The following TRIM43 variants were observed in gnomAD, a reference collection of about 807,000 sequenced individuals.
The protein encoded by TRIM43 is tripartite motif containing 43, also known as tripartite motif-containing protein 43.
TRIM43 carries 12 observed loss-of-function variants against 27.7 expected under a neutral mutation model. The ratio of observed to expected loss-of-function variants is 0.43; its 90% confidence interval spans 0.28 to 0.70. The LOEUF (loss-of-function observed/expected upper bound fraction) is 0.70. Ranked by LOEUF, TRIM43 falls within the 30% of genes least tolerant of loss-of-function variation. The probability of loss-of-function intolerance (pLI) is 0.17; values close to 1 mark genes in which losing one functional copy is unlikely to be tolerated. For synonymous variants in TRIM43, 64 were observed against 121.9 expected, an observed-to-expected ratio of 0.52 and a Z score of 3.13; for missense variants, 186 against 356.5, an observed-to-expected ratio of 0.52 and a Z score of 3.85.
intron 1 of TRIM43, among the ~76,000 whole-genome samples, chr2:95,592,919 C>T (rs1450572680): frequency 6.6e-6 from 1 of 150,800 alleles, no homozygotes; most frequent in Non-Finnish European, 1.5e-5. Context: ...AGAGGGGAGA[C>T]AGAGTCTTGC....
At chr2:95,595,687 G>A (rs1211682082) in intron 3 of TRIM43, among the ~76,000 whole-genome samples, 2 of 151,132 alleles carry the variant, frequency 1.3e-5, no homozygotes, top group East Asian at 1.9e-4. Flanking sequence ...ATGGAATGGG[G>A]ATTAATGTTC....
chr2:95,594,537 T>C, intron 2 of TRIM43, 103 bp downstream of exon 2: 22 of 1,473,048 alleles, frequency 1.5e-5, no homozygotes, highest in Non-Finnish European at 2.0e-5. Flanking sequence ...CTTTACTGAG[T>C]GCCAGGTGCT....
At chr2:95,592,906 T>G (rs1305473524) in intron 1 of TRIM43, among the ~76,000 whole-genome samples, 1 of 151,544 alleles carries the variant, frequency 6.6e-6, no homozygotes, top group Non-Finnish European at 1.5e-5. Flanking sequence ...GTTTTTTTTT[T>G]TTAGAGGGGA....
At position 95,596,205 on chromosome 2, in the gene TRIM43, A is replaced by G. The variant is rs4058025; in HGVS notation, c.511A>G (p.Asn171Asp). 5,736 of 1,604,398 alleles carry G rather than the reference A, an allele frequency of 3.6e-3. 127 individuals are homozygous for G. The highest frequency in any genetic ancestry group is 0.012 in the East Asian group (522 of 44,552). The change falls in exon 4 of 7, where the codon AAT (asparagine) becomes GAT (aspartate). Residue 171 changes from asparagine (N) to aspartate (D), a missense_variant. Transcript: ENST00000272395. ...EGRTAFLWRG[N>D]VVLRAQMIRN... ...TACAAAATTCATATCCCTACAGGGC[A>G]ATGTGGTTTTACGGGCACAGATGAT...
At position 95,596,369 on chromosome 2, in the gene TRIM43, C is replaced by CTT. The variant is rs1415395181; in HGVS notation, c.676_677dup (p.Leu226PhefsTer2). ...TCAAAATGGATCAAAAGAGTAAACA[C>CTT]TTGAAAGAAATGTATCAGGAACTAA... On this transcript the variant is annotated frameshift_variant, in exon 4 of 7. Transcript: ENST00000272395. LOFTEE classifies it high-confidence loss of function. 1 of 1,606,056 alleles carries CTT rather than the reference C, an allele frequency of 6.2e-7. No individual in the cohort carries two copies. The highest frequency in any genetic ancestry group is 1.3e-5 in the African/African-American group (1 of 74,196).
intron 1 of TRIM43, 102 bp from the exon 2 acceptor site, chr2:95,593,918 A>C: frequency 6.5e-7 from 1 of 1,533,276 alleles, no homozygotes; most frequent in South Asian, 1.3e-5. Context: ...ATACTTCTTT[A>C]GAAAGAAAGG....
chr2:95,592,396 G>T lies in TRIM43; in HGVS notation c.-5+247G>T, dbSNP rs561925474. Reference sequence around the variant, plus strand: ...TTGTTTATTTATTTATTTTGAGATGGAATCACGCTCTATTGCCAGGCTGGA... The same window carrying T: ...TTGTTTATTTATTTATTTTGAGATGTAATCACGCTCTATTGCCAGGCTGGA... On this transcript the variant is annotated intron_variant, in intron 1 of 6. Coordinates refer to ENST00000272395, the MANE Select transcript of TRIM43 (RefSeq NM_138800.3). Among the ~76,000 whole-genome samples the T allele has an allele frequency of 9.5e-4, 144 of 151,706 alleles. 3 individuals carry two copies. The highest frequency in any genetic ancestry group is 3.3e-3 in the African/African-American group (137 of 41,342).
chr2:95,594,954 G>A, intron 2 of TRIM43, 96 bp from the exon 3 acceptor site: 1 of 1,307,220 alleles, frequency 7.6e-7, no homozygotes, highest in East Asian at 2.5e-5. Context: ...TCTCACTAAT[G>A]TATTTATATA....
At chr2:95,592,949 T>C (rs1685282682) in intron 1 of TRIM43, among the ~76,000 whole-genome samples, 1 of 151,178 alleles carries the variant, frequency 6.6e-6, no homozygotes, top group Admixed American at 6.6e-5. Flanking sequence ...CAGACTGGAG[T>C]GCTGTGGCAC....
chr2:95,596,574 A>G (rs1685358476), intron 4 of TRIM43, 142 bp downstream of exon 4: 7 of 1,153,822 alleles, frequency 6.1e-6, no homozygotes, highest in Middle Eastern at 2.6e-4. Flanking sequence ...GAGATAAACT[A>G]TAACTCCTAC....
In TRIM43 at chr2:95,596,193, T is replaced by C; in HGVS notation, c.508-9T>C. 6.2e-7 allele frequency: 1 copy of C among 1,609,286 alleles called. No homozygotes were observed. The highest frequency in any genetic ancestry group is 8.5e-7 in the Non-Finnish European group (1 of 1,178,238). On this transcript the variant is annotated splice_polypyrimidine_tract_variant and intron_variant, in intron 3 of 6. Transcript: ENST00000272395. ...GGGTATATAACCTACAAAATTCATA[T>C]CCCTACAGGGCAATGTGGTTTTACG... is the stretch of plus-strand genomic sequence containing the variant.
At position 95,595,041 on chromosome 2, in the gene TRIM43, CT is replaced by C. The variant is rs747619131; in HGVS notation, c.412-5del. 1 of 1,606,910 alleles carries C rather than the reference CT, an allele frequency of 6.2e-7. No homozygotes were observed. Among genetic ancestry groups the C allele is most frequent in the South Asian group, 1.1e-5 (1 of 90,230 alleles). On this transcript the variant is annotated splice_region_variant and splice_polypyrimidine_tract_variant and intron_variant, in intron 2 of 6. Coordinates refer to ENST00000272395, the MANE Select transcript of TRIM43 (RefSeq NM_138800.3). The stretch of plus-strand genomic sequence containing the variant: ...CTTTCTGTTGTTCAACCTTGTAATT[CT>C]TTTGCAGGAGAAACTCTTAAAGCAA...
intron 2 of TRIM43, 102 bp from the exon 3 acceptor site, chr2:95,594,948 A>C: frequency 2.4e-6 from 3 of 1,256,318 alleles, no homozygotes; most frequent in Non-Finnish European, 3.2e-6. Context: ...TTCTCCTCTC[A>C]CTAATGTATT....
rs1487589403 is a variant in TRIM43 at position 95,592,082 on chromosome 2, C to G, written c.-72C>G. The G allele has an allele frequency of 3.3e-5, 5 of 151,730 alleles. No homozygotes were observed. In the South Asian group the frequency reaches 6.2e-4, roughly 19 times the overall value. The allele number at this position is 151,730 out of a possible 1,614,324, so 9.4% of individuals were successfully genotyped here. A position where few individuals can be genotyped will look rare whatever the true frequency, so the allele number is the denominator to read the frequency against. ...GCTACCAGCACTGCACTGTGAGACT[C>G]TCATCCCTGAGCTGAATTCATCTGA... On this transcript the variant is annotated 5_prime_UTR_variant, in exon 1 of 7. Transcript: ENST00000272395.
Position 95,594,581 on chromosome 2 carries a change from A to G in TRIM43, c.411+147A>G. ...TACCAATGATGACATTTTGAATAAA[A>G]TGTGCAACTCTACCTTCCTTCATGG... is the stretch of plus-strand genomic sequence containing the variant. On this transcript the variant is annotated intron_variant, in intron 2 of 6. Transcript: ENST00000272395. 3.3e-6 allele frequency: 3 copies of G among 898,262 alleles called. No individual in the cohort carries two copies. The South Asian group carries it at 5.5e-5, about 16-fold the overall frequency. 55.6% of individuals were successfully genotyped at this position (898,262 alleles called of 1,614,324 possible).
rs539173094 is a variant in TRIM43, at chr2:95,594,096, C to A, written c.73C>A (p.Pro25Thr). The A allele has an allele frequency of 3.7e-6, 6 of 1,612,876 alleles. No homozygotes were observed. Among genetic ancestry groups the A allele is most frequent in the Non-Finnish European group, 5.1e-6 (6 of 1,179,650 alleles). The change falls in exon 2 of 7, where the codon CCT becomes ACT. Residue 25 changes from proline (P) to threonine (T), a missense_variant. By Grantham distance (38) the Pro-to-Thr change is conservative. Around this residue, in one of 6 missense-constraint regions of TRIM43, gnomAD observed 41 missense variants for 46.1 expected, o/e 0.89. Transcript: ENST00000272395. ...CVICLNYLVD[P>T]VTICCGHSFC... Reference sequence around the variant, plus strand: ...CATCTGTTTGAACTACCTGGTAGACCCTGTCACCATCTGCTGTGGGCACAG... The same window carrying A: ...CATCTGTTTGAACTACCTGGTAGACACTGTCACCATCTGCTGTGGGCACAG...
chr2:95,594,223 A>T lies in TRIM43; in HGVS notation c.200A>T (p.Asn67Ile). Residue 67 changes from asparagine to isoleucine, a missense_variant, in exon 2 of 7, where the codon AAT (asparagine) becomes ATT (isoleucine). Physicochemically the swap from Asn to Ile is moderately radical, Grantham distance 149. Around this residue, in one of 6 missense-constraint regions of TRIM43, gnomAD observed 29 missense variants for 78.7 expected, o/e 0.37. Coordinates refer to ENST00000272395, the MANE Select transcript of TRIM43 (RefSeq NM_138800.3). ...TCACCGAAAATGGACTTCAAAACCA[A>T]TATTCTTCTGAAGAATTTAGTGACC... ...EPSPKMDFKT[N>I]ILLKNLVTIA... is the part of the protein sequence containing the mutation. 6.2e-7 allele frequency: 1 copy of T among 1,609,246 alleles called. No individual in the cohort carries two copies. The highest frequency in any genetic ancestry group is 8.5e-7 in the Non-Finnish European group (1 of 1,177,204).
At chr2:95,593,191 C>A (rs1338368292) in intron 1 of TRIM43, among the ~76,000 whole-genome samples, 1 of 151,978 alleles carries the variant, frequency 6.6e-6, no homozygotes, top group Non-Finnish European at 1.5e-5. Flanking sequence ...CAGGCGTGAG[C>A]CACCGTGCCC....
At chr2:95,594,740 C>T (rs1281406050) in intron 2 of TRIM43, among the ~76,000 whole-genome samples, 1 of 150,662 alleles carries the variant, frequency 6.6e-6, no homozygotes, top group African/African-American at 2.4e-5. Flanking sequence ...TTTAATATTA[C>T]TGGACAAATG....
Sources: allele counts gnomAD v4.1 joint callset (sites outside exome capture counted in the v4.1 genomes callset), GRCh38; gene constraint gnomAD v4.1.1; regional missense constraint gnomAD v4.1.1; transcripts MANE v1.5; gene names NCBI Gene and HGNC (gene_info 2026-07-23, HGNC 2026-07-21).